The following IPO11 variants were observed in gnomAD, a reference collection of about 807,000 sequenced individuals.
The protein encoded by IPO11 is importin 11, also known as importin-11.
In IPO11, 66 loss-of-function variants were observed where a neutral mutation model predicts 143.2. That is an observed-to-expected ratio of 0.46 (90% CI 0.38 to 0.57). The LOEUF is 0.57. IPO11 is among the 20% of genes least tolerant of loss of function. IPO11 has a pLI of 0.00. For missense variants in IPO11, 1,026 were observed against 1,141.0 expected (o/e 0.90, Z 1.45); for synonymous variants, 385 against 377.8 (o/e 1.02, Z -0.22).
chr5:62,525,109 A>T (rs1742324247), intron 20 of IPO11, among the ~76,000 whole-genome samples: 1 of 152,142 alleles, frequency 6.6e-6, no homozygotes, highest in Non-Finnish European at 1.5e-5. Flanking sequence ...AAAAATTCTT[A>T]AATATGTTGA....
intron 16 of IPO11, among the ~76,000 whole-genome samples, chr5:62,494,680 G>A (rs1741071224): frequency 6.6e-6 from 1 of 152,062 alleles, no homozygotes; most frequent in Non-Finnish European, 1.5e-5. Flanking sequence ...AATAGTAGTA[G>A]TAATTTTACA....
At chr5:62,581,133 T>G (rs1350617682) in intron 27 of IPO11, 3 of 1,550,050 alleles carry the variant, frequency 1.9e-6, no homozygotes, top group Non-Finnish European at 2.6e-6. Flanking sequence ...CAAGGGAAAA[T>G]AGACTTGAAT....
At chr5:62,435,172 G>GTATATATATGTATATATATGTA (rs368807385) in intron 1 of IPO11, among the ~76,000 whole-genome samples, 2 of 88,312 alleles carry the variant, frequency 2.3e-5, no homozygotes, top group Non-Finnish European at 2.2e-5. Flanking sequence ...GTATATATAT[G>GTATATATATGTATATATATGTA]TATATATGTA....
intron 27 of IPO11, chr5:62,580,822 C>G: frequency 6.4e-7 from 1 of 1,551,376 alleles, no homozygotes; most frequent in East Asian, 2.4e-5. Flanking sequence ...TCCTACTTCA[C>G]CTGCTGGTAG....
At chr5:62,435,403 A>G (rs1744183693) in intron 1 of IPO11, among the ~76,000 whole-genome samples, 2 of 149,716 alleles carry the variant, frequency 1.3e-5, no homozygotes, top group Non-Finnish European at 1.5e-5. Context: ...AGCCTGGGCA[A>G]CAAAGCGAGA....
rs555394909 is a variant in IPO11 at position 62,591,275 on chromosome 5, A to G, written c.2583-302A>G. Among the ~76,000 whole-genome samples, 4 of 152,242 alleles carry G rather than the reference A, an allele frequency of 2.6e-5. No homozygotes were observed. In the South Asian group the frequency reaches 6.2e-4, roughly 24 times the overall value. ...AGAAATTTTTACTTGTCAATACTCT[A>G]TGTCTTTATCTTTGTAGTTATATAA... is the stretch of plus-strand genomic sequence containing the variant. On this transcript the variant is annotated intron_variant, in intron 27 of 29. Coordinates refer to ENST00000325324, the MANE Select transcript of IPO11 (RefSeq NM_016338.5).
At chr5:62,523,830 A>G (rs187681678) in intron 20 of IPO11, among the ~76,000 whole-genome samples, 1 of 152,308 alleles carries the variant, frequency 6.6e-6, no homozygotes, top group East Asian at 1.9e-4. Flanking sequence ...AGATTTGTAT[A>G]TCATCAGTGT....
Position 62,627,329 on chromosome 5 carries a change from C to T in IPO11, c.*11C>T, listed in dbSNP as rs1746622494. The T allele has an allele frequency of 6.2e-7, 1 of 1,600,400 alleles. No homozygotes were observed. Among genetic ancestry groups the T allele is most frequent in the African/African-American group, 1.3e-5 (1 of 74,858 alleles). ...TTGCAAGGATTCTAAGAGCACATGA[C>T]ATGTGGCTGCCTCCCCTTTCAGAAA... On this transcript the variant is annotated 3_prime_UTR_variant, in exon 30 of 30. Transcript: ENST00000325324.
intron 20 of IPO11, 122 bp downstream of exon 20, chr5:62,515,623 AT>A (rs936841134): frequency 2.6e-4 from 153 of 588,130 alleles, no homozygotes; most frequent in East Asian, 7.3e-4. Context: ...CATATCTTTT[AT>A]TTTTTTTTCC....
At chr5:62,431,117 C>T (rs879868616) in intron 1 of IPO11, among the ~76,000 whole-genome samples, 2 of 151,874 alleles carry the variant, frequency 1.3e-5, no homozygotes, top group African/African-American at 2.4e-5. Flanking sequence ...GCTGGGACTA[C>T]AGGCATGTGC....
At chr5:62,577,874 A>T (rs1262047191) in intron 27 of IPO11, among the ~76,000 whole-genome samples, 2 of 152,130 alleles carry the variant, frequency 1.3e-5, no homozygotes, top group Non-Finnish European at 2.9e-5. Flanking sequence ...TATTTTAGGA[A>T]TATTATCAGG....
At chr5:62,483,901 A>C (rs1433329225) in intron 10 of IPO11, 109 bp from the exon 11 acceptor site, 3 of 886,904 alleles carry the variant, frequency 3.4e-6, no homozygotes, top group Non-Finnish European at 3.4e-6. Context: ...ATTTATACAC[A>C]AGTGTATCTT....
At chr5:62,433,998 G>A (rs568343019) in intron 1 of IPO11, among the ~76,000 whole-genome samples, 43 of 152,016 alleles carry the variant, frequency 2.8e-4, no homozygotes, top group South Asian at 1.2e-3. Flanking sequence ...CCTATCCTGC[G>A]TCTATTTTTA....
At chr5:62,623,829 G>T (rs552854839) in intron 29 of IPO11, among the ~76,000 whole-genome samples, 7 of 151,754 alleles carry the variant, frequency 4.6e-5, no homozygotes, top group Non-Finnish European at 8.8e-5. Context: ...TATCATGTTG[G>T]CCAGGCCAGT....
Position 62,484,147 on chromosome 5 carries a change from G to C in IPO11, c.1159G>C (p.Asp387His). The C allele has an allele frequency of 6.3e-7, 1 of 1,596,766 alleles. No individual in the cohort carries two copies. Among genetic ancestry groups the C allele is most frequent in the Non-Finnish European group, 8.5e-7 (1 of 1,175,630 alleles). ...TEEELTMWEE[D>H]PEGFTVEETG... ...AGAAGAACTGACAATGTGGGAAGAA[G>C]ACCCAGAAGGCTTTAGTAAGAATTA... Residue 387 changes from aspartate to histidine, a missense_variant, in exon 11 of 30, where the codon GAC becomes CAC. Asp to His is a moderately conservative substitution (Grantham distance 81). Transcript: ENST00000325324.
intron 2 of IPO11, among the ~76,000 whole-genome samples, chr5:62,439,265 A>C (rs969610363): frequency 1.2e-4 from 18 of 150,574 alleles, no homozygotes; most frequent in Non-Finnish European, 2.4e-4. Context: ...ATACCTTATT[A>C]ATAATACTAA....
chr5:62,567,585 G>A (rs1216361772), intron 27 of IPO11, among the ~76,000 whole-genome samples: 2 of 92,450 alleles, frequency 2.2e-5, no homozygotes, highest in East Asian at 6.6e-4. Context: ...TTTTTAAGAT[G>A]GAGTTTCACT....
At chr5:62,562,282 T>C (rs2112368397) in intron 27 of IPO11, 1 of 152,300 alleles carries the variant, frequency 6.6e-6, no homozygotes, top group Admixed American at 6.5e-5. Flanking sequence ...CAGGGCTTGA[T>C]GTTGTGTTAA....
Position 62,481,411 on chromosome 5 carries a change from C to G in IPO11, c.829-1690C>G, listed in dbSNP as rs550705815. 3.9e-5 allele frequency among the ~76,000 whole-genome samples: 6 copies of G among 152,178 alleles called. No homozygotes were observed. In the South Asian group the frequency reaches 1.2e-3, roughly 32 times the overall value. On this transcript the variant is annotated intron_variant, in intron 9 of 29. Transcript: ENST00000325324. ...GGTTGTGAGTTTGTCATAAATAGCA[C>G]TTTTTATTTTGAGATATGTCCCATC...
Sources: allele counts gnomAD v4.1 joint callset (sites outside exome capture counted in the v4.1 genomes callset), GRCh38; gene constraint gnomAD v4.1.1; transcripts MANE v1.5; gene names NCBI Gene and HGNC (gene_info 2026-07-23, HGNC 2026-07-21).